The following CNTN5 variants were observed in gnomAD, a reference collection of about 807,000 sequenced individuals.
CNTN5 encodes the protein contactin 5, also known as contactin-5.
Under a neutral mutation model 129.1 loss-of-function variants are expected in CNTN5, and 77 were observed. That is an observed-to-expected ratio of 0.60 (90% CI 0.50 to 0.72). CNTN5 has a LOEUF of 0.72. Among genes scored for constraint, CNTN5 ranks in the 30% least tolerant of loss-of-function variants. CNTN5 has a pLI of 0.00. For synonymous variants in CNTN5, 509 were observed against 465.6 expected (o/e 1.09, Z -1.20); for missense variants, 1,478 against 1,328.8 (o/e 1.11, Z -1.75).
chr11:99,880,924 T>G (rs1948756318), intron 6 of CNTN5, among the ~76,000 whole-genome samples: 1 of 152,298 alleles, frequency 6.6e-6, no homozygotes, highest in East Asian at 1.9e-4. Flanking sequence ...TTGTCTCTCT[T>G]TGAAATAAAA....
intron 3 of CNTN5, among the ~76,000 whole-genome samples, chr11:99,633,193 C>G (rs1339081142): frequency 1.3e-5 from 2 of 152,052 alleles, no homozygotes; most frequent in African/African-American, 4.8e-5. Flanking sequence ...TTTTTTATTG[C>G]ATAATAAACC....
intron 1 of CNTN5, among the ~76,000 whole-genome samples, chr11:99,052,112 ATG>A: frequency 6.6e-6 from 1 of 152,022 alleles, no homozygotes; most frequent in Admixed American, 6.6e-5. Context: ...AACAAAGTGT[ATG>A]ATATTGACTG....
At chr11:99,522,378 T>C (rs2135442182) in intron 2 of CNTN5, among the ~76,000 whole-genome samples, 1 of 152,320 alleles carries the variant, frequency 6.6e-6, no homozygotes. Flanking sequence ...TATCAGGAAC[T>C]AAGTGGTTAT....
chr11:99,416,936 C>T (rs1379557703), intron 2 of CNTN5, among the ~76,000 whole-genome samples: 2 of 152,204 alleles, frequency 1.3e-5, no homozygotes, highest in Non-Finnish European at 2.9e-5. Flanking sequence ...ACTACTTCTA[C>T]TTTGCACTTG....
chr11:99,111,076 AC>A (rs1857772524), intron 1 of CNTN5, among the ~76,000 whole-genome samples: 1 of 152,136 alleles, frequency 6.6e-6, no homozygotes, highest in Non-Finnish European at 1.5e-5. Flanking sequence ...AATTGTGTCT[AC>A]CCATGACTAG....
At chr11:99,907,962 C>T (rs1041228337) in intron 6 of CNTN5, among the ~76,000 whole-genome samples, 20 of 151,908 alleles carry the variant, frequency 1.3e-4, no homozygotes, top group Non-Finnish European at 2.2e-4. Context: ...GAACTAAGTT[C>T]GAAATTATAG....
chr11:99,888,960 C>G (rs1948973215), intron 6 of CNTN5, among the ~76,000 whole-genome samples: 1 of 147,286 alleles, frequency 6.8e-6, no homozygotes, highest in South Asian at 2.2e-4. Flanking sequence ...GTATAAAATG[C>G]TTAACATTGT....
intron 3 of CNTN5, among the ~76,000 whole-genome samples, chr11:99,807,677 G>A (rs1946314903): frequency 6.6e-6 from 1 of 151,528 alleles, no homozygotes; most frequent in South Asian, 2.1e-4. Context: ...ACCATGCCCA[G>A]CCACAATATA....
intron 7 of CNTN5, among the ~76,000 whole-genome samples, chr11:99,944,778 A>G (rs1248443208): frequency 6.6e-6 from 1 of 152,138 alleles, no homozygotes; most frequent in Non-Finnish European, 1.5e-5. Flanking sequence ...TACAAAGAGA[A>G]TACATACCTA....
intron 10 of CNTN5, among the ~76,000 whole-genome samples, chr11:100,066,114 G>A (rs1565208195): frequency 6.6e-6 from 1 of 152,004 alleles, no homozygotes; most frequent in Non-Finnish European, 1.5e-5. Context: ...GGATTGGGGG[G>A]AAAGTAACCA....
At chr11:99,300,153 A>G (rs745499582) in intron 1 of CNTN5, among the ~76,000 whole-genome samples, 1 of 151,902 alleles carries the variant, frequency 6.6e-6, no homozygotes, top group Admixed American at 6.6e-5. Context: ...TTCCAATTCT[A>G]TGTTGAATAG....
chr11:99,818,542 C>A (rs1490494394), intron 3 of CNTN5, among the ~76,000 whole-genome samples: 1 of 151,382 alleles, frequency 6.6e-6, no homozygotes, highest in Non-Finnish European at 1.5e-5. Flanking sequence ...AGGCATGAGC[C>A]GACGTGCCTG....
Position 100,127,761 on chromosome 11 carries a change from C to T in CNTN5, c.1580+53467C>T, listed in dbSNP as rs541001808. Among the ~76,000 whole-genome samples the T allele has an allele frequency of 3.9e-3, 572 of 146,194 alleles. 7 individuals carry two copies. Among genetic ancestry groups the T allele is most frequent in the African/African-American group, 0.013 (491 of 38,904 alleles). On this transcript the variant is annotated intron_variant, in intron 13 of 24. Transcript: ENST00000524871. ...GCCACCTCCGCCTTCCAGGTTCAAG[C>T]GATTCTCCTGCCTCAGCCTCCTGAG...
rs985693400 is a variant in CNTN5, at chr11:99,697,621, G to GA, written c.56-121915dup. Among the ~76,000 whole-genome samples, 90 of 150,690 alleles carry GA rather than the reference G, an allele frequency of 6.0e-4. 1 individual carries two copies. The highest frequency in any genetic ancestry group is 2.1e-3 in the African/African-American group (86 of 41,222). ...GTTGAATAATGTAAAATGGGATCTT[G>GA]AAAAAAAAGTAACATTAGAGAAAAT... On this transcript the variant is annotated intron_variant, in intron 3 of 24. Transcript: ENST00000524871.
intron 1 of CNTN5, among the ~76,000 whole-genome samples, chr11:99,198,329 G>T (rs1859006908): frequency 6.6e-6 from 1 of 152,146 alleles, no homozygotes. Flanking sequence ...GAACCACGAT[G>T]AAGTTGATCT....
chr11:100,300,912 A>T lies in CNTN5; in HGVS notation c.2620+1516A>T, dbSNP rs1166646443. Among the ~76,000 whole-genome samples, 7 of 151,630 alleles carry T rather than the reference A, an allele frequency of 4.6e-5. No homozygotes were observed. The East Asian group carries it at 1.4e-3, about 29-fold the overall frequency. ...ATATGAAATTGGAATCTCAAACCTT[A>T]ATCTACATTTCAGGAAACTGAGTCT... On this transcript the variant is annotated intron_variant, in intron 20 of 24. Transcript: ENST00000524871.
At position 99,893,629 on chromosome 11, in the gene CNTN5, G is replaced by A. The variant is rs534357236; in HGVS notation, c.578-22425G>A. On this transcript the variant is annotated intron_variant, in intron 6 of 24. Transcript: ENST00000524871. ...CTGCAGGAAGGATGTAGTGAGTTGT[G>A]GGCAAAGAAAAAAAATCAGATCCTT... Among the ~76,000 whole-genome samples, 4 of 151,942 alleles carry A rather than the reference G, an allele frequency of 2.6e-5. No individual in the cohort carries two copies. The South Asian group carries it at 8.3e-4, about 32-fold the overall frequency.
intron 13 of CNTN5, among the ~76,000 whole-genome samples, chr11:100,103,077 TAA>T (rs1244556784): frequency 2.6e-5 from 4 of 152,202 alleles, no homozygotes; most frequent in African/African-American, 7.2e-5. Context: ...AATTAGAACA[TAA>T]AGTCACTGAG....
chr11:100,063,402 G>T (rs558621151), intron 10 of CNTN5, among the ~76,000 whole-genome samples: 3 of 151,882 alleles, frequency 2.0e-5, no homozygotes, highest in South Asian at 2.1e-4. Flanking sequence ...AATCTAGATT[G>T]TTCCTTAGAA....
Sources: allele counts gnomAD v4.1 joint callset (sites outside exome capture counted in the v4.1 genomes callset), GRCh38; gene constraint gnomAD v4.1.1; transcripts MANE v1.5; gene names NCBI Gene and HGNC (gene_info 2026-07-23, HGNC 2026-07-21).